The following GPC5 variants were observed in gnomAD, a reference collection of about 807,000 sequenced individuals.
The protein encoded by GPC5 is glypican-5.
In GPC5, 47 loss-of-function variants were observed where a neutral mutation model predicts 53.9. The observed-to-expected ratio is 0.87, with a 90% CI of 0.69 to 1.11. The LOEUF (loss-of-function observed/expected upper bound fraction) is 1.11, where lower values mean the gene tolerates loss of function less well. GPC5 is among the 50% of genes most tolerant of loss of function. GPC5 has a pLI of 0.00. For missense variants in GPC5, 748 were observed against 713.1 expected (o/e 1.05, Z -0.56); for synonymous variants, 286 against 263.3 (o/e 1.09, Z -0.84).
At chr13:91,538,732 G>A (rs1886705577) in intron 2 of GPC5, among the ~76,000 whole-genome samples, 1 of 151,642 alleles carries the variant, frequency 6.6e-6, no homozygotes, top group African/African-American at 2.4e-5. Context: ...ACAGGTGCCC[G>A]CCACGACGCT....
intron 6 of GPC5, among the ~76,000 whole-genome samples, chr13:92,013,602 A>C (rs946311714): frequency 6.6e-6 from 1 of 152,174 alleles, no homozygotes; most frequent in Non-Finnish European, 1.5e-5. Flanking sequence ...GCTTTGGGCC[A>C]TGGGTTTCAG....
intron 7 of GPC5, among the ~76,000 whole-genome samples, chr13:92,267,832 A>G: frequency 6.6e-6 from 1 of 152,132 alleles, no homozygotes; most frequent in East Asian, 1.9e-4. Flanking sequence ...AATATTTACT[A>G]TCTGACCCTA....
chr13:92,103,643 T>C (rs1366526310), intron 6 of GPC5, among the ~76,000 whole-genome samples: 1 of 152,176 alleles, frequency 6.6e-6, no homozygotes, highest in Non-Finnish European at 1.5e-5. Context: ...AACCTCTTTA[T>C]CTGAAAATGT....
chr13:92,420,380 T>C (rs1205681123), intron 7 of GPC5, among the ~76,000 whole-genome samples: 1 of 152,122 alleles, frequency 6.6e-6, no homozygotes, highest in African/African-American at 2.4e-5. Flanking sequence ...GGATACATAG[T>C]AGGTGTATAT....
At chr13:92,439,825 T>G (rs1206588469) in intron 7 of GPC5, among the ~76,000 whole-genome samples, 1 of 152,062 alleles carries the variant, frequency 6.6e-6, no homozygotes, top group East Asian at 1.9e-4. Flanking sequence ...AGCTAGAAGT[T>G]AGGTAGTCAG....
At chr13:91,487,169 G>T (rs908748404) in intron 2 of GPC5, among the ~76,000 whole-genome samples, 1 of 151,998 alleles carries the variant, frequency 6.6e-6, no homozygotes, top group East Asian at 1.9e-4. Flanking sequence ...TTTATTTAAC[G>T]TGCACAAGGG....
At chr13:92,250,841 A>G (rs2042687461) in intron 7 of GPC5, among the ~76,000 whole-genome samples, 1 of 152,134 alleles carries the variant, frequency 6.6e-6, no homozygotes, top group African/African-American at 2.4e-5. Flanking sequence ...GAGAAGCTTT[A>G]TGATGGCATA....
chr13:92,792,029 G>C (rs929565169), intron 7 of GPC5, among the ~76,000 whole-genome samples: 2 of 151,922 alleles, frequency 1.3e-5, no homozygotes, highest in Non-Finnish European at 2.9e-5. Context: ...CACCTGGAAG[G>C]GCTAGTGATA....
intron 7 of GPC5, among the ~76,000 whole-genome samples, chr13:92,474,959 C>G (rs1452184447): frequency 6.6e-6 from 1 of 152,078 alleles, no homozygotes; most frequent in Non-Finnish European, 1.5e-5. Context: ...AGTCTTGTCA[C>G]AAAATCATAA....
At chr13:92,577,803 CAGAGACTATGCA>C (rs1352897740) in intron 7 of GPC5, among the ~76,000 whole-genome samples, 2 of 151,554 alleles carry the variant, frequency 1.3e-5, no homozygotes, top group East Asian at 3.9e-4. Context: ...GCATAAGAAA[CAGAGACTATGCA>C]AGAGATTGGT....
At chr13:92,441,227 C>T (rs1877545448) in intron 7 of GPC5, among the ~76,000 whole-genome samples, 1 of 152,126 alleles carries the variant, frequency 6.6e-6, no homozygotes, top group Admixed American at 6.6e-5. Context: ...CACCACCACA[C>T]CTGGCTAATT....
At position 92,534,013 on chromosome 13, in the gene GPC5, G is replaced by A. The variant is rs932522976; in HGVS notation, c.1562-332269G>A. The stretch of plus-strand genomic sequence containing the variant: ...ACTAAATGACAGAAAGAGACCTGAT[G>A]AGGTGGCTCATGCCTATCATCCCAG... On this transcript the variant is annotated intron_variant, in intron 7 of 7. Transcript: ENST00000377067. Among the ~76,000 whole-genome samples the A allele has an allele frequency of 5.9e-5, 9 of 152,260 alleles. No individual in the cohort carries two copies. In the East Asian group the frequency reaches 1.4e-3, roughly 23 times the overall value.
intron 7 of GPC5, among the ~76,000 whole-genome samples, chr13:92,199,948 G>A (rs2042282809): frequency 6.6e-6 from 1 of 152,124 alleles, no homozygotes; most frequent in East Asian, 1.9e-4. Flanking sequence ...TAAAACTTTA[G>A]AGCAAGCTGA....
chr13:92,738,173 T>C (rs956107690), intron 7 of GPC5, among the ~76,000 whole-genome samples: 4 of 152,058 alleles, frequency 2.6e-5, no homozygotes, highest in African/African-American at 9.7e-5. Context: ...CTGAGATATG[T>C]TTTTACCATA....
At position 92,002,014 on chromosome 13, in the gene GPC5, C is replaced by T. The variant is rs75814464; in HGVS notation, c.1401+93957C>T. 1.5e-3 allele frequency among the ~76,000 whole-genome samples: 231 copies of T among 152,272 alleles called. 1 individual carries two copies. The highest frequency in any genetic ancestry group is 0.01 in the Middle Eastern group (3 of 294). On this transcript the variant is annotated intron_variant, in intron 6 of 7. Transcript: ENST00000377067. ...ACAATAAAGAGTAAGCCTTTCTGTGCCTGTACATCTGCTGTCCTCCACACA... is the reference window on the plus strand; with the variant it reads ...ACAATAAAGAGTAAGCCTTTCTGTGTCTGTACATCTGCTGTCCTCCACACA...
intron 2 of GPC5, among the ~76,000 whole-genome samples, chr13:91,641,370 C>A (rs907070503): frequency 3.9e-5 from 6 of 152,146 alleles, no homozygotes; most frequent in South Asian, 4.2e-4. Context: ...ACCAAAAAAA[C>A]CAAACACTGC....
chr13:92,479,743 G>T (rs1377028930), intron 7 of GPC5, among the ~76,000 whole-genome samples: 1 of 152,112 alleles, frequency 6.6e-6, no homozygotes, highest in Non-Finnish European at 1.5e-5. Context: ...CAGGCAGGGG[G>T]CTCTAGCACA....
chr13:92,159,590 G>GTTTTTTTT (rs2041971034), intron 7 of GPC5, among the ~76,000 whole-genome samples: 2 of 61,590 alleles, frequency 3.2e-5, no homozygotes, highest in Non-Finnish European at 6.9e-5. Flanking sequence ...TAATACCAAT[G>GTTTTTTTT]TTCTTTTTTT....
intron 2 of GPC5, among the ~76,000 whole-genome samples, chr13:91,678,399 T>C (rs1044953027): frequency 3.9e-5 from 6 of 152,204 alleles, no homozygotes; most frequent in African/African-American, 1.4e-4. Flanking sequence ...GAGAATATTT[T>C]TGTGTTGCCT....
Sources: allele counts gnomAD v4.1 joint callset (sites outside exome capture counted in the v4.1 genomes callset), GRCh38; gene constraint gnomAD v4.1.1; transcripts MANE v1.5; gene names NCBI Gene and HGNC (gene_info 2026-07-23, HGNC 2026-07-21).